The following RRM2 variants were observed in gnomAD, a reference collection of about 807,000 sequenced individuals.
RRM2 encodes the protein ribonucleoside-diphosphate reductase subunit M2.
In RRM2, 6 loss-of-function variants were observed where a neutral mutation model predicts 45.9. The observed-to-expected ratio is 0.13, with a 90% CI of 0.07 to 0.26. RRM2 has a LOEUF of 0.26. Ranked by LOEUF, RRM2 falls within the 10% of genes least tolerant of loss-of-function variation. The probability of loss-of-function intolerance (pLI) is 1.00; values close to 1 mark genes in which losing one functional copy is unlikely to be tolerated. For missense variants in RRM2, 343 were observed against 489.5 expected (o/e 0.70, Z 2.82); for synonymous variants, 177 against 173.0 (o/e 1.02, Z -0.18).
rs72542790 is a variant in RRM2 at position 10,123,006 on chromosome 2, C to T, written c.123C>T (p.Arg41=). ...ENTPPALSGT[R]VLASKTARRI... is the part of the protein sequence containing the mutation. Reference sequence around the variant, plus strand: ...AGCCGCCGGCCCTGAGCGGGACCCGCGTCCTGGCCAGCAAGACCGCGAGGA... The same window carrying T: ...AGCCGCCGGCCCTGAGCGGGACCCGTGTCCTGGCCAGCAAGACCGCGAGGA... Residue 41 remains arginine, a synonymous_variant, in exon 2 of 10, where the codon CGC becomes CGT. Coordinates refer to ENST00000304567, the MANE Select transcript of RRM2 (RefSeq NM_001034.4). 454 of 1,563,060 alleles carry T rather than the reference C, an allele frequency of 2.9e-4. 1 individual carries two copies. The African/African-American group carries it at 5.5e-3, about 19-fold the overall frequency.
At chr2:10,142,148 A>T in intron 2 of RRM2, 3 of 1,515,780 alleles carry the variant, frequency 2.0e-6, no homozygotes, top group East Asian at 2.5e-5. Context: ...CGCGTCTGTG[A>T]GTGGTCAGAG....
chr2:10,206,925 G>A (rs377623169), intron 3 of RRM2, among the ~76,000 whole-genome samples: 5 of 152,088 alleles, frequency 3.3e-5, no homozygotes, highest in Admixed American at 2.0e-4. Flanking sequence ...AGCCATTTTC[G>A]GATACACAAA....
rs1464085581 is a variant in RRM2 at position 10,123,370 on chromosome 2, A to AT, written c.175-13dup. 5 of 1,594,040 alleles carry AT rather than the reference A, an allele frequency of 3.1e-6. No homozygotes were observed. Among genetic ancestry groups the AT allele is most frequent in the Non-Finnish European group, 3.4e-6 (4 of 1,174,450 alleles). ...GGTTCGCCCGGTACTTAAATGTTTT[A>AT]TTTTCTCCCCCAACAGAAAACTAAA... On this transcript the variant is annotated splice_polypyrimidine_tract_variant and intron_variant, in intron 2 of 9. Coordinates refer to ENST00000304567, the MANE Select transcript of RRM2 (RefSeq NM_001034.4).
chr2:10,134,752 A>G (rs1200137657), downstream of RRM2, among the ~76,000 whole-genome samples: 1 of 152,240 alleles, frequency 6.6e-6, no homozygotes, highest in East Asian at 1.9e-4. Context: ...GTAAGATTAG[A>G]CATAGCTGAA....
upstream of RRM2, among the ~76,000 whole-genome samples, chr2:10,139,927 A>G (rs559593368): frequency 1.1e-4 from 16 of 152,340 alleles, no homozygotes; most frequent in East Asian, 2.9e-3. Flanking sequence ...GGTTTTATAC[A>G]TACCAGGAGC....
intron 3 of RRM2, among the ~76,000 whole-genome samples, chr2:10,158,619 A>G (rs377718308): frequency 6.6e-6 from 1 of 152,140 alleles, no homozygotes; most frequent in East Asian, 1.9e-4. Flanking sequence ...TCCTTACCCA[A>G]AGGATGAGGT....
intron 3 of RRM2, among the ~76,000 whole-genome samples, chr2:10,170,411 G>A (rs1663775218): frequency 6.6e-6 from 1 of 152,066 alleles, no homozygotes; most frequent in Admixed American, 6.6e-5. Context: ...GACGGTCCCT[G>A]GCTCGTGGGC....
intron 3 of RRM2, among the ~76,000 whole-genome samples, chr2:10,186,937 G>A (rs1435805672): frequency 6.6e-6 from 1 of 152,228 alleles, no homozygotes; most frequent in Non-Finnish European, 1.5e-5. Flanking sequence ...ATCCAAGTTG[G>A]CAGGGCCAGG....
intron 3 of RRM2, among the ~76,000 whole-genome samples, chr2:10,190,567 T>G (rs1407723428): frequency 6.6e-6 from 1 of 151,544 alleles, no homozygotes; most frequent in Non-Finnish European, 1.5e-5. Context: ...GTGGTGGTGA[T>G]GATGGTGATG....
intron 3 of RRM2, among the ~76,000 whole-genome samples, chr2:10,167,676 G>C (rs974272800): frequency 2.0e-5 from 3 of 152,142 alleles, no homozygotes; most frequent in Admixed American, 6.5e-5. Flanking sequence ...TGGAGAGGTG[G>C]GATCAGGGCC....
At chr2:10,178,596 A>G (rs1663981081) in intron 3 of RRM2, among the ~76,000 whole-genome samples, 1 of 152,078 alleles carries the variant, frequency 6.6e-6, no homozygotes, top group Non-Finnish European at 1.5e-5. Context: ...CTCCATCTTT[A>G]TACCTTTGTC....
At chr2:10,184,482 G>C (rs1225931427) in intron 3 of RRM2, among the ~76,000 whole-genome samples, 1 of 152,246 alleles carries the variant, frequency 6.6e-6, no homozygotes, top group African/African-American at 2.4e-5. Context: ...CACGTTGTGG[G>C]AGGCCCTGAG....
intron 3 of RRM2, among the ~76,000 whole-genome samples, chr2:10,188,711 C>T (rs1366343559): frequency 6.6e-6 from 1 of 151,930 alleles, no homozygotes; most frequent in African/African-American, 2.4e-5. Context: ...GGCCTTGGGC[C>T]GAGGCATGGG....
At chr2:10,177,289 A>AT in intron 3 of RRM2, among the ~76,000 whole-genome samples, 1 of 151,932 alleles carries the variant, frequency 6.6e-6, no homozygotes, top group African/African-American at 2.4e-5. Flanking sequence ...AATAAAAAAA[A>AT]ATATGGTACT....
intron 3 of RRM2, among the ~76,000 whole-genome samples, chr2:10,167,612 C>T (rs559800471): frequency 7.2e-5 from 11 of 152,196 alleles, no homozygotes; most frequent in South Asian, 2.1e-4. Flanking sequence ...GTCCCTTGCT[C>T]ATCCTGTGTC....
chr2:10,139,831 C>T (rs1031498428), upstream of RRM2, among the ~76,000 whole-genome samples: 3 of 152,358 alleles, frequency 2.0e-5, no homozygotes, highest in East Asian at 3.9e-4. Flanking sequence ...CTTTCTAGGA[C>T]TTTCCTTCCT....
chr2:10,138,167 ATT>A (rs35428652), upstream of RRM2, among the ~76,000 whole-genome samples: 228 of 136,066 alleles, frequency 1.7e-3, no homozygotes, highest in Non-Finnish European at 1.6e-3. Flanking sequence ...TGCCCGGCTA[ATT>A]TTTTTTTTTT....
chr2:10,191,223 G>A (rs535196588), intron 3 of RRM2, among the ~76,000 whole-genome samples: 7 of 152,330 alleles, frequency 4.6e-5, no homozygotes, highest in African/African-American at 1.7e-4. Flanking sequence ...GCCCCTAGGG[G>A]TTGGCTGTCA....
chr2:10,206,916 GC>G (rs1664675225), intron 3 of RRM2, among the ~76,000 whole-genome samples: 1 of 152,178 alleles, frequency 6.6e-6, no homozygotes, highest in Admixed American at 6.5e-5. Context: ...GCAAAATAAA[GC>G]CATTTTCGGA....
Sources: allele counts gnomAD v4.1 joint callset (sites outside exome capture counted in the v4.1 genomes callset), GRCh38; gene constraint gnomAD v4.1.1; transcripts MANE v1.5; gene names NCBI Gene and HGNC (gene_info 2026-07-23, HGNC 2026-07-21).